The following ARL15 variants were observed in gnomAD, a reference collection of about 807,000 sequenced individuals.
ARL15 encodes ADP-ribosylation factor-like protein 15.
A neutral mutation model predicts 25.2 loss-of-function variants in ARL15; 19 were observed. The observed-to-expected ratio is 0.75, with a 90% confidence interval of 0.53 to 1.10. ARL15 has a LOEUF of 1.10. Ranked by LOEUF, ARL15 falls within the 50% of genes least tolerant of loss-of-function variation. The probability of loss-of-function intolerance (pLI) is 0.00; values close to 1 mark genes in which losing one functional copy is unlikely to be tolerated. For synonymous variants in ARL15, 94 were observed against 86.8 expected (o/e 1.08, Z -0.46); for missense variants, 220 against 246.0 (o/e 0.89, Z 0.71).
chr5:54,212,040 T>C (rs1433488030), intron 1 of ARL15, among the ~76,000 whole-genome samples: 1 of 152,122 alleles, frequency 6.6e-6, no homozygotes, highest in Non-Finnish European at 1.5e-5. Context: ...TTAAACGGCA[T>C]CACCAAACCT....
rs1332293122 is a variant in ARL15, at chr5:53,888,999, C to G, written c.463-2286G>C. On this transcript the variant is annotated intron_variant, in intron 4 of 4. Transcript: ENST00000504924. The stretch of plus-strand genomic sequence containing the variant: ...AATGCTTCCCATCAGATGAAGTATG[C>G]AACATCCAAAATCTAGTACATAAAG... Among the ~76,000 whole-genome samples, 4 of 152,256 alleles carry G rather than the reference C, an allele frequency of 2.6e-5. No homozygotes were observed. The East Asian group carries it at 7.7e-4, about 29-fold the overall frequency.
intron 1 of ARL15, among the ~76,000 whole-genome samples, chr5:54,247,569 AAAGG>A (rs1757121072): frequency 6.6e-6 from 1 of 151,766 alleles, no homozygotes; most frequent in Non-Finnish European, 1.5e-5. Context: ...GAATGGGAGG[AAAGG>A]AAGAGAAAAA....
At chr5:53,887,383 T>C (rs1335253140) in intron 4 of ARL15, 1 of 700,704 alleles carries the variant, frequency 1.4e-6, no homozygotes, top group African/African-American at 1.7e-5. Flanking sequence ...TCCTGAATTT[T>C]CTAGGATGGA....
chr5:53,940,535 A>G (rs939231977), intron 4 of ARL15, among the ~76,000 whole-genome samples: 11 of 152,232 alleles, frequency 7.2e-5, no homozygotes, highest in Non-Finnish European at 2.9e-5. Flanking sequence ...TCAATATAAC[A>G]TGGAATTAAT....
intron 1 of ARL15, among the ~76,000 whole-genome samples, chr5:54,192,787 T>G (rs1466607360): frequency 6.6e-6 from 1 of 152,038 alleles, no homozygotes; most frequent in Non-Finnish European, 1.5e-5. Context: ...TAAGAAAACT[T>G]AAGTGTTTCA....
chr5:53,945,177 T>TTCTG (rs944945943), intron 4 of ARL15, among the ~76,000 whole-genome samples: 5 of 152,194 alleles, frequency 3.3e-5, no homozygotes, highest in Non-Finnish European at 1.5e-5. Context: ...CGATGATCCA[T>TTCTG]TCTGTCCACA....
chr5:53,947,309 A>G (rs1268255538), intron 4 of ARL15, among the ~76,000 whole-genome samples: 1 of 151,678 alleles, frequency 6.6e-6, no homozygotes, highest in Non-Finnish European at 1.5e-5. Flanking sequence ...TGCCATGGTA[A>G]AAGCATACAG....
At chr5:54,122,219 C>T (rs1469119091) in intron 3 of ARL15, among the ~76,000 whole-genome samples, 1 of 152,220 alleles carries the variant, frequency 6.6e-6, no homozygotes, top group Non-Finnish European at 1.5e-5. Flanking sequence ...TTCTTCCTCC[C>T]TCATTGCTGT....
At chr5:54,089,867 G>A (rs927721521) in intron 4 of ARL15, among the ~76,000 whole-genome samples, 5 of 152,204 alleles carry the variant, frequency 3.3e-5, no homozygotes, top group African/African-American at 1.2e-4. Flanking sequence ...ACCAACATAC[G>A]AATGTATATT....
intron 4 of ARL15, among the ~76,000 whole-genome samples, chr5:53,940,735 G>A (rs779079577): frequency 6.6e-6 from 1 of 152,134 alleles, no homozygotes; most frequent in Non-Finnish European, 1.5e-5. Context: ...GAGCTTTTAT[G>A]TTTCATATGA....
chr5:54,190,711 T>C lies in ARL15; in HGVS notation c.49-18783A>G, dbSNP rs572217847. The stretch of plus-strand genomic sequence containing the variant: ...ACCTCCTGAAGGCCTCACCTTTTAA[T>C]ACCATCACATTGGGTCTTAGGTTCC... On this transcript the variant is annotated intron_variant, in intron 1 of 4. Coordinates refer to ENST00000504924, the MANE Select transcript of ARL15 (RefSeq NM_019087.3). Among the ~76,000 whole-genome samples, 13 of 152,298 alleles carry C rather than the reference T, an allele frequency of 8.5e-5. No homozygotes were observed. In the East Asian group the frequency reaches 2.5e-3, roughly 29 times the overall value.
chr5:54,193,740 T>TG (rs70986665), intron 1 of ARL15, among the ~76,000 whole-genome samples: 20,697 of 145,402 alleles, frequency 0.14, 1,488 homozygotes, highest in Middle Eastern at 0.19. Flanking sequence ...TTTTTTTTTT[T>TG]CCAGAACTGT....
intron 3 of ARL15, among the ~76,000 whole-genome samples, chr5:54,148,335 A>G (rs1159488246): frequency 6.6e-6 from 1 of 152,200 alleles, no homozygotes; most frequent in African/African-American, 2.4e-5. Context: ...GCAAACAAAG[A>G]AACAGGACAG....
chr5:54,262,501 T>C (rs1180102457), intron 1 of ARL15, among the ~76,000 whole-genome samples: 1 of 152,142 alleles, frequency 6.6e-6, no homozygotes, highest in Non-Finnish European at 1.5e-5. Context: ...CCCTAAAAAA[T>C]GGATCAAACT....
At chr5:54,079,488 C>T (rs1228980731) in intron 4 of ARL15, among the ~76,000 whole-genome samples, 3 of 152,090 alleles carry the variant, frequency 2.0e-5, no homozygotes, top group African/African-American at 7.2e-5. Context: ...TGAATAATCC[C>T]TCTTATTTTC....
At chr5:53,951,542 A>T (rs927987468) in intron 4 of ARL15, 5 of 470,902 alleles carry the variant, frequency 1.1e-5, no homozygotes, top group Non-Finnish European at 2.2e-5. Flanking sequence ...TGTTCTTTAG[A>T]TCACACAAAT....
intron 4 of ARL15, among the ~76,000 whole-genome samples, chr5:53,981,270 TA>T (rs1156507043): frequency 2.0e-5 from 3 of 152,156 alleles, no homozygotes; most frequent in Non-Finnish European, 4.4e-5. Context: ...AAACATCAAT[TA>T]AAGAATATGT....
chr5:53,931,409 T>A (rs2112051647), intron 4 of ARL15, among the ~76,000 whole-genome samples: 1 of 152,300 alleles, frequency 6.6e-6, no homozygotes, highest in East Asian at 1.9e-4. Flanking sequence ...TAAGGAAAAA[T>A]TAAGTAATTT....
At chr5:54,209,711 C>T (rs1254653935) in intron 1 of ARL15, among the ~76,000 whole-genome samples, 1 of 151,994 alleles carries the variant, frequency 6.6e-6, no homozygotes, top group Non-Finnish European at 1.5e-5. Context: ...AATCATTCAC[C>T]TCAGGTCATT....
Sources: allele counts gnomAD v4.1 joint callset (sites outside exome capture counted in the v4.1 genomes callset), GRCh38; gene constraint gnomAD v4.1.1; transcripts MANE v1.5; gene names NCBI Gene and HGNC (gene_info 2026-07-23, HGNC 2026-07-21).